LUZP2: variants seen among roughly 807,000 people sequenced by gnomAD.
LUZP2 encodes the protein leucine zipper protein 2.
LUZP2 carries 52 observed loss-of-function variants against 51.6 expected under a neutral mutation model. The ratio of observed to expected loss-of-function variants is 1.01; its 90% CI spans 0.81 to 1.27. LUZP2 has a LOEUF of 1.27. LUZP2 is among the 50% of genes most tolerant of loss of function. The pLI is 0.00. For missense variants in LUZP2, 436 were observed against 395.4 expected (o/e 1.10, Z -0.87); for synonymous variants, 154 against 137.3 (o/e 1.12, Z -0.85).
At chr11:25,042,060 T>C (rs955003513) in intron 9 of LUZP2, among the ~76,000 whole-genome samples, 3 of 152,162 alleles carry the variant, frequency 2.0e-5, no homozygotes, top group African/African-American at 7.2e-5. Flanking sequence ...TGGTGCCAAG[T>C]GGTTGGGGAC....
intron 5 of LUZP2, among the ~76,000 whole-genome samples, chr11:24,896,564 AG>A (rs1193258065): frequency 6.6e-6 from 1 of 152,076 alleles, no homozygotes; most frequent in African/African-American, 2.4e-5. Context: ...CCCATGCCCC[AG>A]CCTCCTCACC....
intron 1 of LUZP2, among the ~76,000 whole-genome samples, chr11:24,515,041 GC>G (rs759348372): frequency 6.6e-6 from 1 of 152,208 alleles, no homozygotes; most frequent in Non-Finnish European, 1.5e-5. Context: ...CTTAATGCTT[GC>G]AAGTGAAGGA....
chr11:24,837,670 A>G (rs1351178331), intron 5 of LUZP2, among the ~76,000 whole-genome samples: 2 of 151,754 alleles, frequency 1.3e-5, no homozygotes, highest in African/African-American at 2.4e-5. Flanking sequence ...TGAAGCTTCA[A>G]TTTGTAAAGT....
chr11:24,728,595 C>T (rs992087259), intron 1 of LUZP2, among the ~76,000 whole-genome samples: 1 of 151,908 alleles, frequency 6.6e-6, no homozygotes, highest in Non-Finnish European at 1.5e-5. Flanking sequence ...ATCTCATTTA[C>T]TTTCATTTGT....
At chr11:24,598,953 T>TTTG (rs201940250) in intron 1 of LUZP2, among the ~76,000 whole-genome samples, 318 of 152,168 alleles carry the variant, frequency 2.1e-3, no homozygotes, top group African/African-American at 6.6e-3. Context: ...GGCCAAATGT[T>TTTG]TTGTTGTTGT....
intron 7 of LUZP2, among the ~76,000 whole-genome samples, chr11:24,940,788 T>G (rs1179070687): frequency 2.0e-5 from 3 of 152,122 alleles, no homozygotes; most frequent in African/African-American, 7.2e-5. Flanking sequence ...TTCCTATTCT[T>G]GAGTGAGTTG....
intron 1 of LUZP2, among the ~76,000 whole-genome samples, chr11:24,600,422 G>A (rs866859972): frequency 7.2e-5 from 11 of 152,050 alleles, no homozygotes; most frequent in Non-Finnish European, 1.6e-4. Flanking sequence ...GTTGTTTTAA[G>A]CCACCGAATT....
intron 8 of LUZP2, among the ~76,000 whole-genome samples, chr11:24,978,439 A>G (rs1855938860): frequency 6.6e-6 from 1 of 151,742 alleles, no homozygotes; most frequent in South Asian, 2.1e-4. Context: ...GAAAATCATT[A>G]GATTCCCATG....
chr11:24,769,693 A>ATTTTTT (rs763755994), intron 5 of LUZP2, among the ~76,000 whole-genome samples: 3 of 105,770 alleles, frequency 2.8e-5, no homozygotes, highest in Admixed American at 8.8e-5. Context: ...ATGGTGGTCT[A>ATTTTTT]TTTTTTTTTT....
At chr11:24,934,519 T>C (rs899412370) in intron 7 of LUZP2, among the ~76,000 whole-genome samples, 7 of 152,158 alleles carry the variant, frequency 4.6e-5, no homozygotes, top group Admixed American at 2.6e-4. Flanking sequence ...AAAATATTAT[T>C]ATAACTTTAA....
At chr11:25,041,613 T>C (rs1427936403) in intron 9 of LUZP2, among the ~76,000 whole-genome samples, 2 of 152,216 alleles carry the variant, frequency 1.3e-5, no homozygotes, top group Non-Finnish European at 2.9e-5. Flanking sequence ...AAGTGATATG[T>C]ATCTTATATA....
At chr11:24,922,108 G>T (rs1260582272) in intron 7 of LUZP2, among the ~76,000 whole-genome samples, 3 of 151,896 alleles carry the variant, frequency 2.0e-5, no homozygotes, top group Admixed American at 1.3e-4. Context: ...AAGTACATTT[G>T]CAGGGTTTTA....
At chr11:24,777,316 T>C (rs2134066586) in intron 5 of LUZP2, among the ~76,000 whole-genome samples, 1 of 152,150 alleles carries the variant, frequency 6.6e-6, no homozygotes, top group Non-Finnish European at 1.5e-5. Flanking sequence ...TACTTAAGTA[T>C]AGAGACTGGA....
At chr11:25,017,345 A>G (rs1176825713) in intron 9 of LUZP2, among the ~76,000 whole-genome samples, 1 of 152,006 alleles carries the variant, frequency 6.6e-6, no homozygotes, top group Non-Finnish European at 1.5e-5. Context: ...ATTCTTTACT[A>G]CAATGTCCAG....
At chr11:24,957,770 A>G (rs978092386) in intron 7 of LUZP2, among the ~76,000 whole-genome samples, 1 of 152,000 alleles carries the variant, frequency 6.6e-6, no homozygotes, top group Non-Finnish European at 1.5e-5. Flanking sequence ...TTTTATTAAT[A>G]TACTTTAAGT....
intron 6 of LUZP2, among the ~76,000 whole-genome samples, chr11:24,910,750 A>C (rs1853604261): frequency 6.8e-6 from 1 of 146,608 alleles, no homozygotes; most frequent in African/African-American, 2.5e-5. Flanking sequence ...TGCAGAAGGG[A>C]AATGTGGGTT....
chr11:24,743,359 T>C (rs1292311872), intron 4 of LUZP2, among the ~76,000 whole-genome samples: 28 of 152,172 alleles, frequency 1.8e-4, no homozygotes, highest in Admixed American at 1.8e-3. Flanking sequence ...TCATCTGTGA[T>C]TTCTTTCAGC....
At chr11:24,759,068 T>G (rs2134024211) in intron 4 of LUZP2, among the ~76,000 whole-genome samples, 1 of 152,260 alleles carries the variant, frequency 6.6e-6, no homozygotes, top group South Asian at 2.1e-4. Context: ...TTCAAACCTG[T>G]GACCCTAATG....
At chr11:24,799,155 C>T (rs1849625942) in intron 5 of LUZP2, among the ~76,000 whole-genome samples, 2 of 152,178 alleles carry the variant, frequency 1.3e-5, no homozygotes, top group African/African-American at 4.8e-5. Context: ...TTTTGATGTT[C>T]TAGCACATTA....
Sources: allele counts gnomAD v4.1 joint callset (sites outside exome capture counted in the v4.1 genomes callset), GRCh38; gene constraint gnomAD v4.1.1; transcripts MANE v1.5; gene names NCBI Gene and HGNC (gene_info 2026-07-23, HGNC 2026-07-21).